DLG2: variants seen among roughly 807,000 people sequenced by gnomAD.
DLG2 encodes discs large MAGUK scaffold protein 2, also known as disks large homolog 2.
In DLG2, 45 loss-of-function variants were observed where a neutral mutation model predicts 132.5. That is an observed-to-expected ratio of 0.34 (90% confidence interval 0.27 to 0.44). The LOEUF (loss-of-function observed/expected upper bound fraction) is 0.44. Among genes scored for constraint, DLG2 ranks in the 20% least tolerant of loss-of-function variants. DLG2 has a pLI of 1.00. For missense variants in DLG2, 1,045 were observed against 1,196.9 expected, an observed-to-expected ratio of 0.87 and a Z score of 1.87; for synonymous variants, 424 against 419.6, an observed-to-expected ratio of 1.01 and a Z score of -0.13.
chr11:84,949,421 T>C (rs1384449834), intron 6 of DLG2, among the ~76,000 whole-genome samples: 1 of 151,826 alleles, frequency 6.6e-6, no homozygotes, highest in Non-Finnish European at 1.5e-5. Context: ...CCAAAATTTA[T>C]TAGGCGGGAA....
intron 3 of DLG2, among the ~76,000 whole-genome samples, chr11:85,548,401 C>T (rs1013682251): frequency 6.6e-6 from 1 of 152,208 alleles, no homozygotes; most frequent in Non-Finnish European, 1.5e-5. Flanking sequence ...CCAGCCTGAG[C>T]TCTGCTCTAT....
At chr11:85,296,154 G>A (rs1001831508) in intron 3 of DLG2, among the ~76,000 whole-genome samples, 4 of 152,086 alleles carry the variant, frequency 2.6e-5, no homozygotes, top group African/African-American at 9.7e-5. Context: ...GAAAAAGATG[G>A]CAAAACAGCT....
intron 7 of DLG2, among the ~76,000 whole-genome samples, chr11:84,263,431 C>A (rs1356995004): frequency 2.6e-5 from 4 of 152,140 alleles, no homozygotes; most frequent in Non-Finnish European, 5.9e-5. Flanking sequence ...TTAGACAAGG[C>A]ACCTCAAAAA....
chr11:84,053,952 A>T (rs974096037), intron 11 of DLG2, among the ~76,000 whole-genome samples: 4 of 151,164 alleles, frequency 2.6e-5, no homozygotes, highest in African/African-American at 4.9e-5. Context: ...ATGAGAATTT[A>T]AAAACATTTT....
intron 6 of DLG2, among the ~76,000 whole-genome samples, chr11:84,874,162 A>T (rs2154046734): frequency 6.6e-6 from 1 of 152,334 alleles, no homozygotes; most frequent in South Asian, 2.1e-4. Context: ...TTGTTGGGGC[A>T]TAACACACAT....
At chr11:85,007,121 T>C (rs752204378) in intron 6 of DLG2, among the ~76,000 whole-genome samples, 2 of 152,288 alleles carry the variant, frequency 1.3e-5, no homozygotes, top group Middle Eastern at 3.4e-3. Context: ...GTTGCAAATA[T>C]AGTTTTTAGG....
At chr11:83,633,061 T>C in intron 19 of DLG2, 150 bp downstream of exon 19, 2 of 629,326 alleles carry the variant, frequency 3.2e-6, no homozygotes, top group Admixed American at 5.8e-5. Context: ...CAAACATTTA[T>C]TCCAAATGCT....
chr11:84,910,707 G>T (rs940943440), intron 6 of DLG2, among the ~76,000 whole-genome samples: 3 of 152,138 alleles, frequency 2.0e-5, no homozygotes, highest in African/African-American at 7.2e-5. Flanking sequence ...GAGCCCAGGA[G>T]TTCGAGACCT....
chr11:84,274,123 T>C (rs1180121335), intron 7 of DLG2, among the ~76,000 whole-genome samples: 7 of 152,186 alleles, frequency 4.6e-5, no homozygotes, highest in Admixed American at 1.3e-4. Flanking sequence ...AAGACTCGTA[T>C]AAGCATGAAA....
intron 3 of DLG2, among the ~76,000 whole-genome samples, chr11:85,549,226 T>G (rs2076516350): frequency 6.6e-6 from 1 of 152,104 alleles, no homozygotes; most frequent in South Asian, 2.1e-4. Context: ...TTCCCTTGGA[T>G]AGACAAGGTG....
chr11:84,888,031 T>C (rs938162041), intron 6 of DLG2, among the ~76,000 whole-genome samples: 2 of 152,080 alleles, frequency 1.3e-5, no homozygotes, highest in African/African-American at 2.4e-5. Context: ...ACAACAACAA[T>C]ACTGTGGCCC....
At chr11:83,566,598 T>A (rs2096713024) in intron 19 of DLG2, among the ~76,000 whole-genome samples, 1 of 152,082 alleles carries the variant, frequency 6.6e-6, no homozygotes, top group Non-Finnish European at 1.5e-5. Flanking sequence ...TATATAGTAT[T>A]TAACATAGTG....
chr11:84,282,592 G>A (rs1295913248), intron 7 of DLG2, among the ~76,000 whole-genome samples: 1 of 152,110 alleles, frequency 6.6e-6, no homozygotes, highest in East Asian at 1.9e-4. Flanking sequence ...TAAGTGATAA[G>A]CACTCATCAT....
intron 7 of DLG2, among the ~76,000 whole-genome samples, chr11:84,268,335 T>C (rs1432296098): frequency 6.6e-6 from 1 of 152,170 alleles, no homozygotes; most frequent in Non-Finnish European, 1.5e-5. Context: ...TTTTCTTGGT[T>C]TTAGTGTTTT....
intron 6 of DLG2, among the ~76,000 whole-genome samples, chr11:84,801,564 A>C (rs1467058970): frequency 1.3e-5 from 2 of 152,186 alleles, no homozygotes; most frequent in African/African-American, 4.8e-5. Context: ...CCGTCTAAAA[A>C]ATAATTGCTT....
At chr11:85,308,101 C>T (rs1596117023) in intron 3 of DLG2, among the ~76,000 whole-genome samples, 2 of 151,270 alleles carry the variant, frequency 1.3e-5, no homozygotes, top group South Asian at 4.1e-4. Flanking sequence ...TTGTAGTGAG[C>T]TGAGATCATG....
At chr11:83,793,660 G>C in intron 17 of DLG2, among the ~76,000 whole-genome samples, 1 of 152,108 alleles carries the variant, frequency 6.6e-6, no homozygotes, top group East Asian at 1.9e-4. Flanking sequence ...TAGGTAACCT[G>C]GGGAAGTCAC....
At chr11:83,925,984 A>G (rs1483926715) in intron 15 of DLG2, among the ~76,000 whole-genome samples, 2 of 152,172 alleles carry the variant, frequency 1.3e-5, no homozygotes, top group African/African-American at 4.8e-5. Context: ...GTTTGATTTC[A>G]GGCTCTGCAC....
intron 6 of DLG2, among the ~76,000 whole-genome samples, chr11:84,567,893 TAAG>T (rs2099463741): frequency 6.6e-6 from 1 of 152,086 alleles, no homozygotes; most frequent in East Asian, 1.9e-4. Flanking sequence ...CTAAAAAGGG[TAAG>T]AAGACTGGCC....
Sources: allele counts gnomAD v4.1 joint callset (sites outside exome capture counted in the v4.1 genomes callset), GRCh38; gene constraint gnomAD v4.1.1; transcripts MANE v1.5; gene names NCBI Gene and HGNC (gene_info 2026-07-23, HGNC 2026-07-21).